The following GTF3C1 variants were observed in gnomAD, a reference collection of about 807,000 sequenced individuals.
GTF3C1 encodes general transcription factor 3C polypeptide 1.
In GTF3C1, 57 loss-of-function variants were observed where a neutral mutation model predicts 226.7. That is an observed-to-expected ratio of 0.25 (90% CI 0.20 to 0.31). The LOEUF (loss-of-function observed/expected upper bound fraction) is 0.31. Ranked by LOEUF, GTF3C1 falls within the 10% of genes least tolerant of loss-of-function variation. The probability of loss-of-function intolerance (pLI) is 1.00; values close to 1 mark genes in which losing one functional copy is unlikely to be tolerated. For missense variants in GTF3C1, 2,217 were observed against 2,776.1 expected, an observed-to-expected ratio of 0.80 and a Z score of 4.53; for synonymous variants, 1,090 against 1,084.8, an observed-to-expected ratio of 1.00 and a Z score of -0.09.
intron 10 of GTF3C1, among the ~76,000 whole-genome samples, chr16:27,504,528 C>T (rs1331012046): frequency 1.3e-5 from 2 of 152,220 alleles, no homozygotes; most frequent in East Asian, 3.8e-4. Context: ...GGAGAAGCGG[C>T]GTAGGGTAGG....
chr16:27,537,746 A>G, intron 4 of GTF3C1, 38 bp downstream of exon 4: 4 of 1,511,464 alleles, frequency 2.6e-6, no homozygotes, highest in Non-Finnish European at 3.6e-6. Context: ...CATGGCTGCA[A>G]CTAAAAAACC....
At position 27,461,432 on chromosome 16, in the gene GTF3C1, T is replaced by C. The variant is rs748022489; in HGVS notation, c.6248A>G (p.Tyr2083Cys). Residue 2083 changes from tyrosine to cysteine, a missense_variant, in exon 37 of 37, where the codon TAT becomes TGT. Physicochemically the swap from Tyr to Cys is radical, Grantham distance 194 (BLOSUM62 -2). This residue lies in a region of GTF3C1 where 153 missense variants were observed against 199.8 expected (regional missense o/e 0.77). Coordinates refer to ENST00000356183, the MANE Select transcript of GTF3C1 (RefSeq NM_001520.4). The surrounding 1 kb of genome is among the most constrained non-coding windows in gnomAD (Gnocchi z 5.3). ...GAGGGTACAGTCCAAGGTGGGCTCA[T>C]AGAAAGCCATGGGGCTCTCGTCCAG... ...SSLDESPMAF[Y>C]EPTLDCTLRL... 3 of 1,613,968 alleles carry C rather than the reference T, an allele frequency of 1.9e-6. No homozygotes were observed. The highest frequency in any genetic ancestry group is 2.7e-5 in the African/African-American group (2 of 75,038).
At chr16:27,512,084 A>G (rs952715326) in intron 6 of GTF3C1, among the ~76,000 whole-genome samples, 183 bp from the exon 7 acceptor site, 9 of 152,184 alleles carry the variant, frequency 5.9e-5, no homozygotes, top group African/African-American at 2.2e-4. Flanking sequence ...CTGAAAATGT[A>G]TTCCATAAAG....
intron 14 of GTF3C1, among the ~76,000 whole-genome samples, chr16:27,496,750 G>A (rs939987434): frequency 3.9e-5 from 6 of 152,182 alleles, no homozygotes; most frequent in Non-Finnish European, 8.8e-5. Context: ...ATACAAATGC[G>A]CTGTTGCTTG....
At chr16:27,534,813 G>A (rs1306854437) in intron 4 of GTF3C1, among the ~76,000 whole-genome samples, 1 of 151,954 alleles carries the variant, frequency 6.6e-6, no homozygotes, top group Non-Finnish European at 1.5e-5. Flanking sequence ...TGGACAACAT[G>A]GGTTTGAACT....
At chr16:27,480,877 T>C (rs936538457) in intron 27 of GTF3C1, 10 of 543,386 alleles carry the variant, frequency 1.8e-5, no homozygotes, top group African/African-American at 1.7e-4. Flanking sequence ...AATGGGAGAA[T>C]GAACATAAAT....
rs746208443 is a variant in GTF3C1, at chr16:27,506,906, G to A, written c.1493C>T (p.Thr498Ile). 24 of 1,613,754 alleles carry A rather than the reference G, an allele frequency of 1.5e-5. 1 individual carries two copies. In the South Asian group the frequency reaches 2.6e-4, roughly 18 times the overall value. Reference protein sequence around the residue: ...KRRGRGSQKDTRASANLRPKT... With the variant: ...KRRGRGSQKDIRASANLRPKT... ...GGGCCGGAGGTTTGCAGAGGCTCTT[G>A]TGTCTTTCTGGGACCCTCTGCCTCT... is the stretch of plus-strand genomic sequence containing the variant. The change falls in exon 9 of 37, where the codon ACA becomes ATA. Residue 498 changes from threonine to isoleucine, a missense_variant. Thr to Ile is a moderately conservative substitution (Grantham distance 89). Around this residue, in one of 12 missense-constraint regions of GTF3C1, gnomAD observed 173 missense variants for 207.2 expected, o/e 0.83. Coordinates refer to ENST00000356183, the MANE Select transcript of GTF3C1 (RefSeq NM_001520.4).
chr16:27,527,993 G>A (rs2141437311), intron 6 of GTF3C1, among the ~76,000 whole-genome samples: 1 of 150,686 alleles, frequency 6.6e-6, no homozygotes, highest in Admixed American at 6.6e-5. Context: ...AAAAAAAGAG[G>A]CTGAGTGTGG....
intron 19 of GTF3C1, among the ~76,000 whole-genome samples, chr16:27,491,533 G>A (rs905783739): frequency 2.0e-5 from 3 of 152,212 alleles, no homozygotes; most frequent in African/African-American, 4.8e-5. Context: ...GTGTGGACAC[G>A]CTTTCTCTGA....
chr16:27,466,355 C>A (rs1281840107), intron 32 of GTF3C1: 1 of 152,200 alleles, frequency 6.6e-6, no homozygotes, highest in African/African-American at 2.4e-5. Context: ...GATCAGTGAT[C>A]TTTGCCCTTA....
rs567630478 is a variant in GTF3C1, at chr16:27,480,891, C to T, written c.4196+188G>A. 1.5e-4 allele frequency: 83 copies of T among 558,170 alleles called. 2 individuals carry two copies. The highest frequency in any genetic ancestry group is 1.1e-3 in the South Asian group (45 of 39,738). 34.6% of individuals were successfully genotyped at this position (558,170 alleles called of 1,614,324 possible). A position where few individuals can be genotyped will look rare whatever the true frequency, so the allele number is the denominator to read the frequency against. On this transcript the variant is annotated intron_variant, in intron 27 of 36. Coordinates refer to ENST00000356183, the MANE Select transcript of GTF3C1 (RefSeq NM_001520.4). ...CAATGGGAGAATGAACATAAATGCC[C>T]GGCAGGGTGCTAGGTCCCATTCTGT...
At chr16:27,546,420 T>C (rs996270282) in intron 1 of GTF3C1, among the ~76,000 whole-genome samples, 1 of 150,006 alleles carries the variant, frequency 6.7e-6, no homozygotes, top group Non-Finnish European at 1.5e-5. Flanking sequence ...TACAACACCA[T>C]GGAGACATTT....
rs758165156 is a variant in GTF3C1, at chr16:27,495,357, C to T, written c.2486G>A (p.Arg829Gln). ...TVEKPSFISERRTIKQESGRA... is the reference protein window; with the variant it reads ...TVEKPSFISEQRTIKQESGRA... Reference sequence around the variant, plus strand: ...GCCTGACTCCTGCTTTATCGTTCTCCGTTCACTGATGAAGCTTGGCTTCTC... The same window carrying T: ...GCCTGACTCCTGCTTTATCGTTCTCTGTTCACTGATGAAGCTTGGCTTCTC... Residue 829 changes from arginine to glutamine, a missense_variant, in exon 15 of 37, where the codon CGG (arginine) becomes CAG (glutamine). Physicochemically the swap from Arg to Gln is conservative, Grantham distance 43 (BLOSUM62 1). Transcript: ENST00000356183. The T allele has an allele frequency of 2.9e-5, 47 of 1,614,068 alleles. No individual in the cohort carries two copies. In the South Asian group the frequency reaches 4.0e-4, roughly 14 times the overall value.
intron 26 of GTF3C1, chr16:27,482,374 T>G: frequency 2.3e-6 from 1 of 425,628 alleles, no homozygotes. Flanking sequence ...TCTCATTAGG[T>G]TAGGTTTTTC....
At position 27,545,383 on chromosome 16, in the gene GTF3C1, T is replaced by A. The variant is rs1377503425; in HGVS notation, c.362A>T (p.Lys121Ile). Residue 121 changes from lysine to isoleucine, a missense_variant, in exon 2 of 37, where the codon AAA becomes ATA. Lys to Ile is a moderately radical substitution (Grantham distance 102, BLOSUM62 -3). Coordinates refer to ENST00000356183, the MANE Select transcript of GTF3C1 (RefSeq NM_001520.4). ...QGSCRYFKER[K>I]NITNDIRTKS... ...GGTTCTGATGTCATTGGTAATGTTT[T>A]TCCTCTCCTTAAAGTAGCGGCATGA... The A allele has an allele frequency of 1.2e-6, 2 of 1,613,876 alleles. No individual in the cohort carries two copies. Among genetic ancestry groups the A allele is most frequent in the Non-Finnish European group, 1.7e-6 (2 of 1,179,826 alleles).
Position 27,469,633 on chromosome 16 carries a change from T to G in GTF3C1, c.4815-83A>C. The G allele has an allele frequency of 1.4e-6, 2 of 1,460,916 alleles. No homozygotes were observed. The highest frequency in any genetic ancestry group is 1.4e-5 in the African/African-American group (1 of 71,940). 90.5% of individuals were successfully genotyped at this position (1,460,916 alleles called of 1,614,324 possible). ...CCTCTCCCCTCCCTCAAGAGGCCTC[T>G]GTGGCTGGGCTTCAGCAGTGGCCCC... On this transcript the variant is annotated intron_variant, in intron 31 of 36. Transcript: ENST00000356183. This position sits in a 1 kb window ranked among gnomAD's most constrained non-coding sequence, Gnocchi z 4.5.
rs1292858275 is a variant in GTF3C1, at chr16:27,470,693, C to A, written c.4527-298G>T. The A allele has an allele frequency of 2.4e-6, 1 of 412,390 alleles. No individual in the cohort carries two copies. Among genetic ancestry groups the A allele is most frequent in the South Asian group, 2.5e-5 (1 of 40,218 alleles). 25.5% of individuals were successfully genotyped at this position (412,390 alleles called of 1,614,324 possible). The stretch of plus-strand genomic sequence containing the variant: ...CGCTGGCAGGCTCACCTTACAGGGG[C>A]TCACTGTACACAGCTGCTGAACTAG... On this transcript the variant is annotated intron_variant, in intron 30 of 36. Transcript: ENST00000356183. The surrounding 1 kb of genome is among the most constrained non-coding windows in gnomAD (Gnocchi z 4.9).
At chr16:27,536,531 A>G (rs753155806) in intron 4 of GTF3C1, among the ~76,000 whole-genome samples, 20 of 152,248 alleles carry the variant, frequency 1.3e-4, no homozygotes, top group Non-Finnish European at 2.1e-4. Context: ...TGGGAGGCGG[A>G]CATTTGACAG....
At chr16:27,537,994 C>T in intron 3 of GTF3C1, 67 bp from the exon 4 acceptor site, 1 of 1,535,914 alleles carries the variant, frequency 6.5e-7, no homozygotes, top group Non-Finnish European at 8.9e-7. Context: ...GAGTCTCTCA[C>T]TTGGACATAA....
Sources: gnomAD v4.1 joint callset for allele counts (sites outside exome capture counted in the v4.1 genomes callset) on GRCh38, gnomAD v4.1.1 for gene constraint, gnomAD v4.1.1 regional missense constraint, Gnocchi (gnomAD v3.1) non-coding constraint, MANE v1.5 for transcripts, NCBI Gene and HGNC (gene_info 2026-07-23, HGNC 2026-07-21) for gene names.